CALN1: variants seen among roughly 807,000 people sequenced by gnomAD.
The protein encoded by CALN1 is calneuron 1.
A neutral mutation model predicts 30.6 loss-of-function variants in CALN1; 17 were observed. The observed-to-expected ratio is 0.56, with a 90% CI of 0.38 to 0.83. CALN1 has a LOEUF of 0.83. CALN1 is among the 40% of genes least tolerant of loss of function. The pLI is 0.00. For synonymous variants in CALN1, 156 were observed against 131.4 expected (o/e 1.19, Z -1.28); for missense variants, 291 against 354.9 (o/e 0.82, Z 1.45).
chr7:72,322,476 A>G (rs113319317), intron 2 of CALN1, among the ~76,000 whole-genome samples: 1 of 152,162 alleles, frequency 6.6e-6, no homozygotes, highest in Non-Finnish European at 1.5e-5. Context: ...TTTAGACTAG[A>G]TAATTCCTAA....
chr7:72,313,502 C>G (rs1317453809), intron 2 of CALN1, among the ~76,000 whole-genome samples: 1 of 152,116 alleles, frequency 6.6e-6, no homozygotes, highest in Non-Finnish European at 1.5e-5. Context: ...AGCGACAGCT[C>G]CCAACTCAGC....
chr7:71,978,262 C>CTTTTTTTTTTTTTTTTTTTTTTTTTT lies in CALN1; in HGVS notation c.501+45369_501+45394dup, dbSNP rs1010635078. ...AAAAACTCAGGGACTCTAGAGAATTCTTTTTTTTTTTTTTTTTTTTTTTTT... is the reference window on the plus strand; with the variant it reads ...AAAAACTCAGGGACTCTAGAGAATTCTTTTTTTTTTTTTTTTTTTTTTTTTTTTTTTTTTTTTTTTTTTTTTTTTTT... On this transcript the variant is annotated intron_variant, in intron 5 of 6. Transcript: ENST00000395275. 4.1e-5 allele frequency among the ~76,000 whole-genome samples: 3 copies of CTTTTTTTTTTTTTTTTTTTTTTTTTT among 72,936 alleles called. 1 individual carries two copies. Among genetic ancestry groups the CTTTTTTTTTTTTTTTTTTTTTTTTTT allele is most frequent in the African/African-American group, 1.7e-4 (3 of 17,638 alleles). 47.8% of individuals were successfully genotyped at this position (72,936 alleles called of 152,430 possible).
At chr7:72,257,122 G>T (rs114703153) in intron 3 of CALN1, among the ~76,000 whole-genome samples, 1 of 152,150 alleles carries the variant, frequency 6.6e-6, no homozygotes, top group Non-Finnish European at 1.5e-5. Flanking sequence ...CTTACATGGC[G>T]GCAAGAGAGA....
chr7:72,118,943 G>T (rs1384829476), intron 3 of CALN1, among the ~76,000 whole-genome samples: 1 of 152,152 alleles, frequency 6.6e-6, no homozygotes, highest in Non-Finnish European at 1.5e-5. Context: ...TTCAGAATGG[G>T]TTTTAAAAAT....
intron 5 of CALN1, among the ~76,000 whole-genome samples, chr7:71,906,999 G>A (rs1297509834): frequency 6.6e-6 from 1 of 152,142 alleles, no homozygotes; most frequent in East Asian, 1.9e-4. Flanking sequence ...ACAGAGGCAG[G>A]GGGCAGGGCC....
intron 5 of CALN1, among the ~76,000 whole-genome samples, chr7:71,885,159 T>C (rs1792823955): frequency 6.6e-6 from 1 of 152,230 alleles, no homozygotes; most frequent in Non-Finnish European, 1.5e-5. Context: ...TATTTCTTTT[T>C]TCTTTTTTTT....
intron 2 of CALN1, among the ~76,000 whole-genome samples, chr7:72,383,206 T>C (rs1349179314): frequency 2.6e-5 from 4 of 152,192 alleles, no homozygotes; most frequent in African/African-American, 9.7e-5. Flanking sequence ...CTATTGTGAA[T>C]AATGCTGCAA....
chr7:72,473,217 C>G, the CALN1 span, among the ~76,000 whole-genome samples: 1 of 151,974 alleles, frequency 6.6e-6, no homozygotes, highest in African/African-American at 2.4e-5. Context: ...TCCCAAAGTG[C>G]TGGGATTATA....
At chr7:72,287,832 G>T (rs1006867665) in intron 2 of CALN1, among the ~76,000 whole-genome samples, 1 of 152,076 alleles carries the variant, frequency 6.6e-6, no homozygotes, top group African/African-American at 2.4e-5. Context: ...ATACCCCCAT[G>T]TGTGTCTCTT....
At chr7:72,154,301 A>G (rs1787492661) in intron 3 of CALN1, among the ~76,000 whole-genome samples, 1 of 152,046 alleles carries the variant, frequency 6.6e-6, no homozygotes, top group South Asian at 2.1e-4. Context: ...TGCCTTGGCC[A>G]AGCCAAACTT....
intron 3 of CALN1, among the ~76,000 whole-genome samples, chr7:72,178,660 G>T (rs1411541501): frequency 1.3e-5 from 2 of 150,720 alleles, no homozygotes; most frequent in East Asian, 3.9e-4. Context: ...ATGCACTCCA[G>T]CCCAGACGAC....
intron 5 of CALN1, among the ~76,000 whole-genome samples, chr7:71,863,127 G>A (rs890894313): frequency 8.6e-5 from 13 of 151,714 alleles, no homozygotes; most frequent in African/African-American, 3.1e-4. Flanking sequence ...AGGCATAGTG[G>A]TAAACACCTG....
the CALN1 span, among the ~76,000 whole-genome samples, chr7:72,485,829 C>T: frequency 6.6e-6 from 1 of 152,110 alleles, no homozygotes; most frequent in South Asian, 2.1e-4. Context: ...TGAGATCGCA[C>T]CACTGCACTC....
At chr7:72,174,485 A>T (rs545553783) in intron 3 of CALN1, among the ~76,000 whole-genome samples, 1 of 152,320 alleles carries the variant, frequency 6.6e-6, no homozygotes, top group South Asian at 2.1e-4. Context: ...TAATAGTCAA[A>T]AACTAGCTAA....
chr7:72,379,133 T>C (rs903915751), intron 2 of CALN1, among the ~76,000 whole-genome samples: 1 of 152,152 alleles, frequency 6.6e-6, no homozygotes, highest in African/African-American at 2.4e-5. Flanking sequence ...TGTTCATAAG[T>C]TTTTGTATTT....
intron 5 of CALN1, among the ~76,000 whole-genome samples, chr7:71,953,945 A>T (rs1168094549): frequency 1.3e-5 from 2 of 152,190 alleles, no homozygotes; most frequent in Admixed American, 1.3e-4. Context: ...GGACAAAAAA[A>T]ACATGATCTC....
At chr7:72,043,265 T>A (rs1471703189) in intron 4 of CALN1, among the ~76,000 whole-genome samples, 1 of 152,174 alleles carries the variant, frequency 6.6e-6, no homozygotes, top group African/African-American at 2.4e-5. Context: ...CTCACACAGC[T>A]GGTCAAAGTA....
chr7:71,820,983 G>T (rs1474983530), intron 5 of CALN1, among the ~76,000 whole-genome samples: 3 of 152,274 alleles, frequency 2.0e-5, no homozygotes, highest in African/African-American at 7.2e-5. Flanking sequence ...GAGACACCTG[G>T]GTTTTACGTT....
chr7:71,969,552 T>C (rs1206944959), intron 5 of CALN1, among the ~76,000 whole-genome samples: 2 of 152,188 alleles, frequency 1.3e-5, no homozygotes, highest in Non-Finnish European at 2.9e-5. Context: ...CATTAAGGCT[T>C]ACTATCATGC....
Sources: gnomAD v4.1 joint callset for allele counts (sites outside exome capture counted in the v4.1 genomes callset) on GRCh38, gnomAD v4.1.1 for gene constraint, MANE v1.5 for transcripts, NCBI Gene and HGNC (gene_info 2026-07-23, HGNC 2026-07-21) for gene names.